Variants in FOXN3 observed in about 807,000 individuals in gnomAD.
FOXN3 encodes forkhead box protein N3.
FOXN3 carries 7 observed loss-of-function variants against 38.4 expected under a neutral mutation model. The observed-to-expected ratio is 0.18, with a 90% CI of 0.10 to 0.34. The LOEUF is 0.34. FOXN3 is among the 10% of genes least tolerant of loss of function. FOXN3 has a pLI of 1.00. For synonymous variants in FOXN3, 230 were observed against 242.2 expected (o/e 0.95, Z 0.47); for missense variants, 456 against 613.4 (o/e 0.74, Z 2.71).
intron 2 of FOXN3, among the ~76,000 whole-genome samples, chr14:89,352,935 G>GCGGAGATCGCACC (rs1461599756): frequency 2.5e-4 from 38 of 152,278 alleles, no homozygotes; most frequent in African/African-American, 8.7e-4. Flanking sequence ...GCTGCAGCGA[G>GCGGAGATCGCACC]CGGAGATCGC....
intron 3 of FOXN3, among the ~76,000 whole-genome samples, chr14:89,336,137 TA>T (rs1888446249): frequency 1.4e-5 from 2 of 140,020 alleles, no homozygotes; most frequent in Non-Finnish European, 3.1e-5. Context: ...AAGTGATCCT[TA>T]CACACACACA....
At chr14:89,182,944 C>A (rs1332559472) in intron 4 of FOXN3, among the ~76,000 whole-genome samples, 4 of 152,068 alleles carry the variant, frequency 2.6e-5, no homozygotes, top group South Asian at 2.1e-4. Flanking sequence ...ACACCTCATA[C>A]CACATATAAA....
intron 1 of FOXN3, among the ~76,000 whole-genome samples, chr14:89,529,235 CTA>C (rs1204995551): frequency 6.6e-6 from 1 of 152,000 alleles, no homozygotes; most frequent in Non-Finnish European, 1.5e-5. Flanking sequence ...GTGTGTGTGT[CTA>C]TGTTTAATAT....
chr14:89,523,380 A>G (rs1894361011), intron 1 of FOXN3, among the ~76,000 whole-genome samples: 3 of 152,206 alleles, frequency 2.0e-5, no homozygotes, highest in Admixed American at 2.0e-4. Context: ...AAAACACTAC[A>G]CTGAACAACA....
intron 1 of FOXN3, among the ~76,000 whole-genome samples, chr14:89,514,546 T>A (rs1894164465): frequency 6.6e-6 from 1 of 152,220 alleles, no homozygotes; most frequent in African/African-American, 2.4e-5. Context: ...TCATCTACCG[T>A]AACCAGACTT....
intron 1 of FOXN3, among the ~76,000 whole-genome samples, chr14:89,488,771 T>A (rs1566673120): frequency 6.6e-6 from 1 of 152,054 alleles, no homozygotes; most frequent in African/African-American, 2.4e-5. Context: ...TTAAAGTAGG[T>A]ACAAGAATCT....
chr14:89,618,739 A>T (rs1377919531), intron 1 of FOXN3, among the ~76,000 whole-genome samples: 2 of 151,694 alleles, frequency 1.3e-5, no homozygotes, highest in African/African-American at 4.8e-5. Flanking sequence ...TTTAAAAAAA[A>T]TTTTAAAAAG....
Position 89,161,250 on chromosome 14 carries a change from G to A in FOXN3, c.*1164C>T, listed in dbSNP as rs1183242261. ...GCAAAGATAAATCCTGATATTAATT[G>A]CAAACTCCATTTTGAGGGCAGTATA... On this transcript the variant is annotated 3_prime_UTR_variant, in exon 6 of 6. Coordinates refer to ENST00000557258, the MANE Select transcript of FOXN3 (RefSeq NM_005197.4). 3 of 151,594 alleles carry A rather than the reference G, an allele frequency of 2.0e-5. No individual in the cohort carries two copies. Among genetic ancestry groups the A allele is most frequent in the Admixed American group, 6.6e-5 (1 of 15,188 alleles). The allele number at this position is 151,594 out of a possible 1,614,324, so 9.4% of individuals were successfully genotyped here. A position where few individuals can be genotyped will look rare whatever the true frequency, so the allele number is the denominator to read the frequency against.
intron 2 of FOXN3, among the ~76,000 whole-genome samples, chr14:89,394,442 G>C (rs948670386): frequency 7.2e-5 from 11 of 151,972 alleles, no homozygotes; most frequent in South Asian, 2.1e-4. Flanking sequence ...CCTGACCTCA[G>C]GTGATCAGCC....
chr14:89,432,919 G>A (rs539879056), intron 1 of FOXN3, among the ~76,000 whole-genome samples: 10 of 152,210 alleles, frequency 6.6e-5, no homozygotes, highest in South Asian at 6.2e-4. Context: ...GGGCTCAAGC[G>A]ATTCTCCTGC....
intron 3 of FOXN3, among the ~76,000 whole-genome samples, chr14:89,330,678 G>A (rs1215792342): frequency 6.6e-6 from 1 of 152,234 alleles, no homozygotes; most frequent in Non-Finnish European, 1.5e-5. Context: ...CATTCCAAAA[G>A]CAAATTGTGG....
At chr14:89,528,931 T>C (rs1894494897) in intron 1 of FOXN3, among the ~76,000 whole-genome samples, 1 of 152,140 alleles carries the variant, frequency 6.6e-6, no homozygotes, top group Non-Finnish European at 1.5e-5. Flanking sequence ...GTATCTTCAT[T>C]ACCTTGATTG....
At chr14:89,431,068 T>G (rs1325415134) in intron 1 of FOXN3, among the ~76,000 whole-genome samples, 1 of 152,250 alleles carries the variant, frequency 6.6e-6, no homozygotes, top group Non-Finnish European at 1.5e-5. Context: ...TCATTTCCGT[T>G]GTCTGAAATG....
intron 3 of FOXN3, among the ~76,000 whole-genome samples, chr14:89,320,921 G>C (rs995024904): frequency 6.6e-6 from 1 of 152,174 alleles, no homozygotes; most frequent in African/African-American, 2.4e-5. Flanking sequence ...TGACTCTGAG[G>C]AGTTTTTATG....
At chr14:89,232,642 C>T (rs920933428) in intron 4 of FOXN3, among the ~76,000 whole-genome samples, 9 of 152,192 alleles carry the variant, frequency 5.9e-5, no homozygotes, top group African/African-American at 1.4e-4. Flanking sequence ...TACTCACCAT[C>T]GACAAGTCCT....
intron 4 of FOXN3, among the ~76,000 whole-genome samples, chr14:89,247,647 GCTATGACTATAGC>G (rs1885336321): frequency 6.6e-6 from 1 of 152,038 alleles, no homozygotes; most frequent in African/African-American, 2.4e-5. Flanking sequence ...CCTCATCTAG[GCTATGACTATAGC>G]CTTGTAACTG....
intron 1 of FOXN3, among the ~76,000 whole-genome samples, chr14:89,415,215 C>A: frequency 6.6e-6 from 1 of 152,180 alleles, no homozygotes; most frequent in Non-Finnish European, 1.5e-5. Flanking sequence ...AGTTTTATGT[C>A]TCCTGAGCTT....
intron 4 of FOXN3, among the ~76,000 whole-genome samples, chr14:89,182,996 G>A (rs151001908): frequency 2.0e-5 from 3 of 152,162 alleles, no homozygotes; most frequent in Non-Finnish European, 4.4e-5. Flanking sequence ...GAACTAAAAC[G>A]ATAAAACTTC....
chr14:89,463,216 G>A (rs1452320750), intron 1 of FOXN3, among the ~76,000 whole-genome samples: 4 of 151,616 alleles, frequency 2.6e-5, no homozygotes, highest in Admixed American at 6.6e-5. Flanking sequence ...ATGAACCCGG[G>A]AGGCAGAGCC....
Sources: gnomAD v4.1 joint callset for allele counts (sites outside exome capture counted in the v4.1 genomes callset) on GRCh38, gnomAD v4.1.1 for gene constraint, MANE v1.5 for transcripts, NCBI Gene and HGNC (gene_info 2026-07-23, HGNC 2026-07-21) for gene names.